Variants in BABAM2 observed in about 807,000 individuals in gnomAD.
BABAM2 encodes BRISC and BRCA1-A complex member 2.
Under a neutral mutation model 54.7 loss-of-function variants are expected in BABAM2, and 31 were observed. The observed-to-expected ratio is 0.57, with a 90% confidence interval of 0.43 to 0.77. BABAM2 has a LOEUF of 0.77. Ranked by LOEUF, BABAM2 falls within the 30% of genes least tolerant of loss-of-function variation. BABAM2 has a pLI of 0.00. For synonymous variants in BABAM2, 167 were observed against 162.9 expected, an observed-to-expected ratio of 1.03 and a Z score of -0.19; for missense variants, 364 against 455.8, an observed-to-expected ratio of 0.80 and a Z score of 1.83.
At chr2:28,197,096 C>T (rs905036236) in intron 7 of BABAM2, among the ~76,000 whole-genome samples, 3 of 151,924 alleles carry the variant, frequency 2.0e-5, no homozygotes, top group African/African-American at 4.8e-5. Flanking sequence ...ACATAATCCA[C>T]CCAACCTACA....
intron 2 of BABAM2, among the ~76,000 whole-genome samples, chr2:27,920,548 T>A (rs544390898): frequency 3.3e-5 from 5 of 152,318 alleles, no homozygotes; most frequent in South Asian, 4.1e-4. Context: ...GACTTTTTTT[T>A]AAAAGGTGGT....
intron 10 of BABAM2, among the ~76,000 whole-genome samples, chr2:28,272,771 T>G (rs1174344598): frequency 6.6e-6 from 1 of 152,090 alleles, no homozygotes; most frequent in Non-Finnish European, 1.5e-5. Context: ...AAGCCCACAG[T>G]GGGATAGGGA....
intron 3 of BABAM2, among the ~76,000 whole-genome samples, chr2:27,946,734 C>T (rs573131293): frequency 1.1e-4 from 17 of 151,582 alleles, no homozygotes; most frequent in Non-Finnish European, 2.4e-4. Context: ...AGAGAGTGAG[C>T]GAGAGGGAAG....
chr2:27,926,217 G>T (rs1667695763), intron 2 of BABAM2, among the ~76,000 whole-genome samples: 1 of 151,920 alleles, frequency 6.6e-6, no homozygotes, highest in African/African-American at 2.4e-5. Context: ...CCACTTGCAG[G>T]TCCAGTGTGA....
At chr2:28,278,633 A>G (rs1179702330) in intron 10 of BABAM2, among the ~76,000 whole-genome samples, 1 of 152,210 alleles carries the variant, frequency 6.6e-6, no homozygotes, top group East Asian at 1.9e-4. Context: ...TTGTGAGACT[A>G]AAGTGGTGGC....
At chr2:27,959,765 A>C (rs1670338318) in intron 3 of BABAM2, among the ~76,000 whole-genome samples, 1 of 151,788 alleles carries the variant, frequency 6.6e-6, no homozygotes, top group African/African-American at 2.4e-5. Context: ...TTACATTTAA[A>C]CTATCAGAAA....
intron 10 of BABAM2, among the ~76,000 whole-genome samples, chr2:28,292,850 G>C (rs553869677): frequency 6.6e-6 from 1 of 152,198 alleles, no homozygotes. Context: ...TCAGACTCTG[G>C]GGTGAGAAGA....
chr2:28,138,792 A>C (rs757070289), intron 7 of BABAM2, among the ~76,000 whole-genome samples: 21 of 152,188 alleles, frequency 1.4e-4, no homozygotes, highest in Middle Eastern at 6.8e-3. Flanking sequence ...ATCAATTGCC[A>C]GTTCATTTTG....
At chr2:27,962,491 C>T (rs1178760457) in intron 3 of BABAM2, among the ~76,000 whole-genome samples, 1 of 152,102 alleles carries the variant, frequency 6.6e-6, no homozygotes, top group Non-Finnish European at 1.5e-5. Context: ...ACTCTTTGAG[C>T]ATTTGTGAGT....
intron 6 of BABAM2, among the ~76,000 whole-genome samples, chr2:28,113,183 C>A (rs1267185562): frequency 6.6e-6 from 1 of 152,160 alleles, no homozygotes; most frequent in Non-Finnish European, 1.5e-5. Flanking sequence ...GTTTCTTTTG[C>A]TGTGCAGAAG....
At chr2:28,112,953 C>T (rs1393351687) in intron 6 of BABAM2, among the ~76,000 whole-genome samples, 3 of 152,050 alleles carry the variant, frequency 2.0e-5, no homozygotes, top group African/African-American at 4.8e-5. Context: ...CTCTAATGAC[C>T]GGTGATGATG....
At chr2:28,327,533 T>A in intron 11 of BABAM2, 2 of 1,429,176 alleles carry the variant, frequency 1.4e-6, no homozygotes, top group Middle Eastern at 2.1e-4. Context: ...CTCAGTCAGT[T>A]GTTGTTGAAG....
At chr2:28,317,465 C>A (rs1689656779) in intron 11 of BABAM2, among the ~76,000 whole-genome samples, 1 of 152,158 alleles carries the variant, frequency 6.6e-6, no homozygotes, top group Admixed American at 6.5e-5. Context: ...GTGTCACTGG[C>A]AAGGTGGTAT....
chr2:28,093,185 T>G (rs1226072283), intron 6 of BABAM2, among the ~76,000 whole-genome samples: 1 of 152,182 alleles, frequency 6.6e-6, no homozygotes, highest in Non-Finnish European at 1.5e-5. Context: ...AAAGAGTATT[T>G]TTTATGCTCA....
intron 4 of BABAM2, among the ~76,000 whole-genome samples, chr2:28,022,091 C>G (rs1168654855): frequency 6.6e-6 from 1 of 152,156 alleles, no homozygotes; most frequent in Non-Finnish European, 1.5e-5. Context: ...TTGTTCAAGT[C>G]TGCGGAGCTA....
intron 7 of BABAM2, among the ~76,000 whole-genome samples, chr2:28,155,682 C>T (rs1672479420): frequency 1.3e-5 from 2 of 152,134 alleles, no homozygotes; most frequent in South Asian, 4.1e-4. Flanking sequence ...GGGCCAGGTG[C>T]TGGAGATAAT....
At chr2:28,282,666 T>C (rs2148198039) in intron 10 of BABAM2, among the ~76,000 whole-genome samples, 1 of 152,198 alleles carries the variant, frequency 6.6e-6, no homozygotes, top group Admixed American at 6.5e-5. Flanking sequence ...ATTGTAGGTA[T>C]TCAATAAATG....
intron 5 of BABAM2, among the ~76,000 whole-genome samples, chr2:28,026,164 G>A (rs565283758): frequency 1.3e-5 from 2 of 152,280 alleles, no homozygotes; most frequent in South Asian, 4.1e-4. Context: ...CATTGTGGAA[G>A]ACAGCGTGGT....
At chr2:27,933,493 A>T (rs552890198) in intron 3 of BABAM2, among the ~76,000 whole-genome samples, 1 of 151,752 alleles carries the variant, frequency 6.6e-6, no homozygotes, top group Non-Finnish European at 1.5e-5. Context: ...GTATATATGT[A>T]TATATATAAC....
Sources: allele counts gnomAD v4.1 joint callset (sites outside exome capture counted in the v4.1 genomes callset), GRCh38; gene constraint gnomAD v4.1.1; transcripts MANE v1.5; gene names NCBI Gene and HGNC (gene_info 2026-07-23, HGNC 2026-07-21).